The following FILIP1L variants were observed in gnomAD, a reference collection of about 807,000 sequenced individuals.
FILIP1L encodes the protein filamin A-interacting protein 1-like.
A neutral mutation model predicts 96.6 loss-of-function variants in FILIP1L; 55 were observed. The observed-to-expected ratio is 0.57, with a 90% CI of 0.46 to 0.71. FILIP1L has a LOEUF of 0.71. Ranked by LOEUF, FILIP1L falls within the 30% of genes least tolerant of loss-of-function variation. The pLI is 0.00. For missense variants in FILIP1L, 1,304 were observed against 1,321.2 expected (o/e 0.99, Z 0.20); for synonymous variants, 467 against 473.9 (o/e 0.99, Z 0.19).
In FILIP1L at chr3:100,032,899, T is replaced by G. The variant is rs530208028; in HGVS notation, c.-11+81154A>C. Among the ~76,000 whole-genome samples, 9 of 152,306 alleles carry G rather than the reference T, an allele frequency of 5.9e-5. No individual in the cohort carries two copies. The South Asian group carries it at 1.9e-3, about 32-fold the overall frequency. On this transcript the variant is annotated intron_variant, in intron 1 of 5. Coordinates refer to ENST00000477258, the MANE Select transcript of FILIP1L (RefSeq NM_001387850.1). The stretch of plus-strand genomic sequence containing the variant: ...AACATACATTATTACATTTATTCCC[T>G]GCAACAAGCCTGCAAGGTAGGTATT...
intron 4 of FILIP1L, among the ~76,000 whole-genome samples, chr3:99,851,935 G>T (rs1490457419): frequency 1.3e-5 from 2 of 152,148 alleles, no homozygotes; most frequent in Non-Finnish European, 2.9e-5. Flanking sequence ...CATGCGGTTT[G>T]GTAGGAAAGT....
chr3:99,875,817 T>G (rs757320202), intron 4 of FILIP1L, among the ~76,000 whole-genome samples: 2 of 152,226 alleles, frequency 1.3e-5, no homozygotes, highest in Non-Finnish European at 2.9e-5. Flanking sequence ...AAAGCGTATG[T>G]AATACAGTCA....
intron 1 of FILIP1L, among the ~76,000 whole-genome samples, chr3:99,991,084 CTGACA>C (rs1277795163): frequency 1.3e-5 from 2 of 152,232 alleles, no homozygotes; most frequent in Admixed American, 1.3e-4. Context: ...GGGGTCAGTC[CTGACA>C]TAAGACCAAA....
chr3:100,006,744 G>A (rs1398320851), intron 1 of FILIP1L, among the ~76,000 whole-genome samples: 1 of 151,888 alleles, frequency 6.6e-6, no homozygotes, highest in African/African-American at 2.4e-5. Flanking sequence ...GAAATTAAAA[G>A]TAAGAGCTTA....
At chr3:99,843,749 G>C (rs923454683) in intron 5 of FILIP1L, among the ~76,000 whole-genome samples, 1 of 152,032 alleles carries the variant, frequency 6.6e-6, no homozygotes, top group Non-Finnish European at 1.5e-5. Flanking sequence ...CCTGGGCCAC[G>C]GACTGGTAGC....
chr3:99,838,572 ATCTG>A (rs1054919268), intron 5 of FILIP1L, among the ~76,000 whole-genome samples: 23 of 152,318 alleles, frequency 1.5e-4, no homozygotes, highest in Admixed American at 1.4e-3. Context: ...ACATTAGACA[ATCTG>A]TCTGTCACCA....
intron 1 of FILIP1L, among the ~76,000 whole-genome samples, chr3:99,990,809 A>G (rs1032315921): frequency 4.6e-5 from 7 of 152,212 alleles, no homozygotes; most frequent in Admixed American, 4.6e-4. Context: ...CTGGAATTCC[A>G]TAAAGAAGGT....
Position 100,112,723 on chromosome 3 carries a change from AGAG to A in FILIP1L, c.-11+1327_-11+1329del, listed in dbSNP as rs376929528. ...GGAAATTACTGAGAAAATTCTCATC[AGAG>A]TAGTAGACCTTAATTACCCAGGTGG... On this transcript the variant is annotated intron_variant, in intron 1 of 5. Coordinates refer to ENST00000477258, the MANE Select transcript of FILIP1L (RefSeq NM_001387850.1). 3.5e-3 allele frequency among the ~76,000 whole-genome samples: 538 copies of A among 152,336 alleles called. 2 individuals carry two copies. The highest frequency in any genetic ancestry group is 0.012 in the African/African-American group (512 of 41,580).
chr3:100,092,159 C>T (rs982867671), intron 1 of FILIP1L, among the ~76,000 whole-genome samples: 1 of 152,146 alleles, frequency 6.6e-6, no homozygotes, highest in African/African-American at 2.4e-5. Flanking sequence ...GGATCTAAAA[C>T]TTTTTATCAT....
Position 100,060,097 on chromosome 3 carries a change from C to T in FILIP1L, c.-11+53956G>A, listed in dbSNP as rs114364424. 3.2e-3 allele frequency among the ~76,000 whole-genome samples: 488 copies of T among 152,118 alleles called. 2 individuals carry two copies. Among genetic ancestry groups the T allele is most frequent in the African/African-American group, 0.011 (461 of 41,482 alleles). ...CAGGTACATGTGCCCTCAGCTGTGC[C>T]GGGTATGGTAAAGGGATTTGAGGAA... On this transcript the variant is annotated intron_variant, in intron 1 of 5. Coordinates refer to ENST00000477258, the MANE Select transcript of FILIP1L (RefSeq NM_001387850.1).
At chr3:99,871,309 CT>C (rs566494884) in intron 4 of FILIP1L, among the ~76,000 whole-genome samples, 1 of 151,466 alleles carries the variant, frequency 6.6e-6, no homozygotes, top group African/African-American at 2.4e-5. Flanking sequence ...TGCAGAAACA[CT>C]TTTTTTTTGT....
chr3:99,905,360 C>G (rs1237734198), intron 4 of FILIP1L, among the ~76,000 whole-genome samples: 1 of 152,154 alleles, frequency 6.6e-6, no homozygotes, highest in Non-Finnish European at 1.5e-5. Flanking sequence ...CACAGGATTC[C>G]AAAGCCAAAC....
At chr3:100,078,524 G>A (rs1004788770) in intron 1 of FILIP1L, among the ~76,000 whole-genome samples, 1 of 151,938 alleles carries the variant, frequency 6.6e-6, no homozygotes, top group Non-Finnish European at 1.5e-5. Context: ...GCTTCCCTGG[G>A]CCACATTGCA....
At chr3:100,094,044 C>A (rs906222654) in intron 1 of FILIP1L, among the ~76,000 whole-genome samples, 1 of 152,156 alleles carries the variant, frequency 6.6e-6, no homozygotes, top group East Asian at 1.9e-4. Context: ...ACATTCCTAC[C>A]AGCAATGTAT....
At chr3:99,877,688 A>T (rs146318839) in intron 4 of FILIP1L, among the ~76,000 whole-genome samples, 302 of 152,290 alleles carry the variant, frequency 2.0e-3, no homozygotes, top group African/African-American at 6.8e-3. Context: ...ATACTTGTGA[A>T]TTGCATTGTA....
intron 1 of FILIP1L, among the ~76,000 whole-genome samples, chr3:100,006,987 C>T (rs975546514): frequency 1.1e-4 from 16 of 152,178 alleles, no homozygotes; most frequent in African/African-American, 3.9e-4. Flanking sequence ...AAAACTTGAG[C>T]ATATTCATCT....
At chr3:99,971,915 T>C (rs2107718643) in intron 1 of FILIP1L, among the ~76,000 whole-genome samples, 1 of 152,372 alleles carries the variant, frequency 6.6e-6, no homozygotes, top group African/African-American at 2.4e-5. Context: ...GGTAGGATTA[T>C]GTAAACCTGG....
Position 99,882,692 on chromosome 3 carries a change from G to A in FILIP1L, c.606-31622C>T, listed in dbSNP as rs144240340. Among the ~76,000 whole-genome samples the A allele has an allele frequency of 6.7e-3, 1,025 of 152,208 alleles. 3 individuals are homozygous for A. The highest frequency in any genetic ancestry group is 8.5e-3 in the African/African-American group (355 of 41,540). On this transcript the variant is annotated intron_variant, in intron 4 of 5. Coordinates refer to ENST00000477258, the MANE Select transcript of FILIP1L (RefSeq NM_001387850.1). ...GTCACTGTGTTTTCTGGGACTGAATGTTTCTTTTGGGAAACATGAAAAAAT... is the reference window on the plus strand; with the variant it reads ...GTCACTGTGTTTTCTGGGACTGAATATTTCTTTTGGGAAACATGAAAAAAT...
Position 100,092,043 on chromosome 3 carries a change from G to A in FILIP1L, c.-11+22010C>T, listed in dbSNP as rs776471137. 1.6e-4 allele frequency among the ~76,000 whole-genome samples: 25 copies of A among 152,158 alleles called. 1 individual carries two copies. The South Asian group carries it at 2.3e-3, about 14-fold the overall frequency. Reference sequence around the variant, plus strand: ...TGCCACATATGTAAAATGGGGTTGCGGATATTAATATCTATTTCATAGGGC... The same window carrying A: ...TGCCACATATGTAAAATGGGGTTGCAGATATTAATATCTATTTCATAGGGC... On this transcript the variant is annotated intron_variant, in intron 1 of 5. Transcript: ENST00000477258.
Sources: gnomAD v4.1 joint callset for allele counts (sites outside exome capture counted in the v4.1 genomes callset) on GRCh38, gnomAD v4.1.1 for gene constraint, MANE v1.5 for transcripts, NCBI Gene and HGNC (gene_info 2026-07-23, HGNC 2026-07-21) for gene names.